The following BCL11B variants were observed in gnomAD, a reference collection of about 807,000 sequenced individuals.
The protein encoded by BCL11B is BCL11 transcription factor B, also known as B-cell lymphoma/leukemia 11B.
A neutral mutation model predicts 49.9 loss-of-function variants in BCL11B; 8 were observed. The observed-to-expected ratio is 0.16, with a 90% confidence interval of 0.09 to 0.29. BCL11B has a LOEUF of 0.29. Among genes scored for constraint, BCL11B ranks in the 10% least tolerant of loss-of-function variants. The pLI is 1.00. For synonymous variants in BCL11B, 739 were observed against 637.4 expected, an observed-to-expected ratio of 1.16 and a Z score of -2.40; for missense variants, 1,006 against 1,351.0, an observed-to-expected ratio of 0.74 and a Z score of 4.00.
At chr14:99,186,765 A>G (rs968326316) in intron 3 of BCL11B, among the ~76,000 whole-genome samples, 3 of 152,224 alleles carry the variant, frequency 2.0e-5, no homozygotes, top group African/African-American at 7.2e-5. Flanking sequence ...GCCCACACTC[A>G]AGGCCTACTC....
intron 2 of BCL11B, among the ~76,000 whole-genome samples, chr14:99,256,689 G>A (rs1889173169): frequency 6.6e-6 from 1 of 152,216 alleles, no homozygotes; most frequent in Admixed American, 6.5e-5. Context: ...CTAACTCACT[G>A]TGGTGAGCAG....
In BCL11B at chr14:99,248,467, C is replaced by T. The variant is rs1047302410; in HGVS notation, c.427+9004G>A. Reference sequence around the variant, plus strand: ...GGGTGGGTCCAGATCTTGCAGGGCCCGAGGTTTATACAATTCAGGGTACAC... The same window carrying T: ...GGGTGGGTCCAGATCTTGCAGGGCCTGAGGTTTATACAATTCAGGGTACAC... On this transcript the variant is annotated intron_variant, in intron 2 of 3. Transcript: ENST00000357195. This position sits in a 1 kb window ranked among gnomAD's most constrained non-coding sequence, Gnocchi z 4.7. 3.3e-5 allele frequency among the ~76,000 whole-genome samples: 5 copies of T among 151,822 alleles called. No individual in the cohort carries two copies. Among genetic ancestry groups the T allele is most frequent in the South Asian group, 2.1e-4 (1 of 4,804 alleles).
chr14:99,217,141 C>T lies in BCL11B; in HGVS notation c.640+14204G>A, dbSNP rs530911957. 3.3e-5 allele frequency among the ~76,000 whole-genome samples: 5 copies of T among 152,200 alleles called. No homozygotes were observed. In the East Asian group the frequency reaches 7.7e-4, roughly 24 times the overall value. ...ATACACATATGTGCACACACAAATA[C>T]GTATGTATATGCACACATATATACA... is the stretch of plus-strand genomic sequence containing the variant. On this transcript the variant is annotated intron_variant, in intron 3 of 3. Transcript: ENST00000357195.
chr14:99,172,629 A>G lies in BCL11B; in HGVS notation c.*1522T>C, dbSNP rs942647928. The G allele has an allele frequency of 1.4e-5, 3 of 213,796 alleles. No individual in the cohort carries two copies. Among genetic ancestry groups the G allele is most frequent in the Non-Finnish European group, 2.8e-5 (3 of 105,690 alleles). 13.2% of individuals were successfully genotyped at this position (213,796 alleles called of 1,614,324 possible). A position where few individuals can be genotyped will look rare whatever the true frequency, so the allele number is the denominator to read the frequency against. ...TTATTTTGTTCTTTATAGTGCCAGTATTGTGAATGCCACGCTTAGCAATAC... is the reference window on the plus strand; with the variant it reads ...TTATTTTGTTCTTTATAGTGCCAGTGTTGTGAATGCCACGCTTAGCAATAC... On this transcript the variant is annotated 3_prime_UTR_variant, in exon 4 of 4. Transcript: ENST00000357195.
rs1886449313 is a variant in BCL11B, at chr14:99,175,104, C to T, written c.1732G>A (p.Gly578Ser). The T allele has an allele frequency of 6.3e-7, 1 of 1,595,556 alleles. No homozygotes were observed. Among genetic ancestry groups the T allele is most frequent in the South Asian group, 1.1e-5 (1 of 90,674 alleles). ...NGGGGVPGVP[G>S]AGGGAAKALA... ...GCCTTGGCCGCGCCGCCCCCCGCGC[C>T]CGGGACCCCGGGCACCCCACCACCG... The change falls in exon 4 of 4, where the codon GGC (glycine) becomes AGC (serine). Residue 578 changes from glycine (G) to serine (S), a missense_variant. This residue lies in a region of BCL11B where 443 missense variants were observed against 499.7 expected (regional missense o/e 0.89). Coordinates refer to ENST00000357195, the MANE Select transcript of BCL11B (RefSeq NM_138576.4).
intron 3 of BCL11B, among the ~76,000 whole-genome samples, chr14:99,218,412 C>T (rs1239788130): frequency 1.3e-5 from 2 of 151,866 alleles, no homozygotes; most frequent in Non-Finnish European, 2.9e-5. Flanking sequence ...CCCGCCCTAT[C>T]GTTAATAGTT....
chr14:99,227,411 G>C (rs1197287249), intron 3 of BCL11B, among the ~76,000 whole-genome samples: 1 of 152,126 alleles, frequency 6.6e-6, no homozygotes, highest in Non-Finnish European at 1.5e-5. Flanking sequence ...ATGGAGAGGG[G>C]AAATGACTAC....
chr14:99,189,124 C>G (rs1159758296), intron 3 of BCL11B, among the ~76,000 whole-genome samples: 1 of 152,246 alleles, frequency 6.6e-6, no homozygotes, highest in Non-Finnish European at 1.5e-5. Context: ...ATTCTAATGT[C>G]AGATGTACTT....
intron 3 of BCL11B, among the ~76,000 whole-genome samples, chr14:99,207,408 C>CTGAG (rs1555379394): frequency 6.6e-6 from 1 of 152,152 alleles, no homozygotes; most frequent in Non-Finnish European, 1.5e-5. Flanking sequence ...GTCCCTCTAG[C>CTGAG]TGAGACCTTG....
At chr14:99,244,929 A>G (rs995462397) in intron 2 of BCL11B, among the ~76,000 whole-genome samples, 29 of 152,216 alleles carry the variant, frequency 1.9e-4, no homozygotes, top group African/African-American at 6.0e-4. Context: ...TAGCAAATCA[A>G]TTCTGCCTGG....
chr14:99,202,574 C>T (rs758748589), intron 3 of BCL11B, among the ~76,000 whole-genome samples: 33 of 152,258 alleles, frequency 2.2e-4, no homozygotes, highest in East Asian at 5.8e-4. Context: ...CGCAAGGCAA[C>T]GCAAGGAGTG....
rs530613145 is a variant in BCL11B, at chr14:99,171,917, G to C, written c.*2234C>G. The C allele has an allele frequency of 1.1e-3, 213 of 200,398 alleles. 1 individual carries two copies. The highest frequency in any genetic ancestry group is 4.8e-3 in the African/African-American group (207 of 43,284). The allele number at this position is 200,398 out of a possible 1,614,324, so 12.4% of individuals were successfully genotyped here. ...GCATTCTCGATTATTACAAATACTG[G>C]TCCACTTTTACAGTAATCAAGAAAT... On this transcript the variant is annotated 3_prime_UTR_variant, in exon 4 of 4. Coordinates refer to ENST00000357195, the MANE Select transcript of BCL11B (RefSeq NM_138576.4).
rs148159530 is a variant in BCL11B, at chr14:99,195,222, G to A, written c.641-19027C>T. On this transcript the variant is annotated intron_variant, in intron 3 of 3. Transcript: ENST00000357195. The surrounding 1 kb of genome is among the most constrained non-coding windows in gnomAD (Gnocchi z 4.7). Reference sequence around the variant, plus strand: ...TGTGGAGCGAACTACCTGGCTTCCTGACCTGTACTTTCAAGCCCCACTGTC... The same window carrying A: ...TGTGGAGCGAACTACCTGGCTTCCTAACCTGTACTTTCAAGCCCCACTGTC... 1.3e-5 allele frequency among the ~76,000 whole-genome samples: 2 copies of A among 152,246 alleles called. No individual in the cohort carries two copies. The highest frequency in any genetic ancestry group is 4.8e-5 in the African/African-American group (2 of 41,532).
chr14:99,246,293 A>C (rs993401129), intron 2 of BCL11B, among the ~76,000 whole-genome samples: 32 of 152,136 alleles, frequency 2.1e-4, no homozygotes, highest in Admixed American at 2.0e-3. Context: ...TGCTCCATTA[A>C]GCCCCCGAAT....
In BCL11B at chr14:99,232,043, C is replaced by T. The variant is rs377583608; in HGVS notation, c.428-486G>A. ...CTACAGGCCCGGGACACCTTGGGTCCGCCTCCAGCCTTGGGTCCGCCTCCA... is the reference window on the plus strand; with the variant it reads ...CTACAGGCCCGGGACACCTTGGGTCTGCCTCCAGCCTTGGGTCCGCCTCCA... On this transcript the variant is annotated intron_variant, in intron 2 of 3. Transcript: ENST00000357195. This position sits in a 1 kb window ranked among gnomAD's most constrained non-coding sequence, Gnocchi z 5.1. 2.0e-5 allele frequency among the ~76,000 whole-genome samples: 3 copies of T among 152,094 alleles called. No individual in the cohort carries two copies. Among genetic ancestry groups the T allele is most frequent in the African/African-American group, 7.2e-5 (3 of 41,416 alleles).
rs769849587 is a variant in BCL11B, at chr14:99,173,109, G to A, written c.*1042C>T. 1 of 230,366 alleles carries A rather than the reference G, an allele frequency of 4.3e-6. No homozygotes were observed. 14.3% of individuals were successfully genotyped at this position (230,366 alleles called of 1,614,324 possible). A position where few individuals can be genotyped will look rare whatever the true frequency, so the allele number is the denominator to read the frequency against. On this transcript the variant is annotated 3_prime_UTR_variant, in exon 4 of 4. Coordinates refer to ENST00000357195, the MANE Select transcript of BCL11B (RefSeq NM_138576.4). ...GGTGATTTAAAAAAAGAGAGAAGCCGTCAAGCCAGAAAACGCCTAAAAGAA... is the reference window on the plus strand; with the variant it reads ...GGTGATTTAAAAAAAGAGAGAAGCCATCAAGCCAGAAAACGCCTAAAAGAA...
intron 3 of BCL11B, among the ~76,000 whole-genome samples, chr14:99,201,269 G>C (rs570305008): frequency 1.8e-4 from 28 of 152,328 alleles, no homozygotes; most frequent in Non-Finnish European, 3.1e-4. Flanking sequence ...CAGCTGAAGA[G>C]TGGTCGGTAG....
chr14:99,231,454 G>C lies in BCL11B; in HGVS notation c.531C>G (p.Leu177=), dbSNP rs1316962605. 6.3e-7 allele frequency: 1 copy of C among 1,598,848 alleles called. No homozygotes were observed. The highest frequency in any genetic ancestry group is 8.5e-7 in the Non-Finnish European group (1 of 1,172,586). Residue 177 remains leucine (L), a synonymous_variant, in exon 3 of 4, where the codon CTC becomes CTG. Transcript: ENST00000357195. This position sits in a 1 kb window ranked among gnomAD's most constrained non-coding sequence, Gnocchi z 8.1. ...ITSPLRALGA[L]PPCLPLPCCS... ...AGCACGGCAGGGGGAGGCAGGGCGG[G>C]AGAGCGCCCAGGGCACGCAGAGGTG...
chr14:99,187,872 C>T (rs1886902298), intron 3 of BCL11B, among the ~76,000 whole-genome samples: 1 of 152,074 alleles, frequency 6.6e-6, no homozygotes, highest in South Asian at 2.1e-4. Context: ...TTCTTTAAAT[C>T]CACAAAAAAT....
Sources: gnomAD v4.1 joint callset for allele counts (sites outside exome capture counted in the v4.1 genomes callset) on GRCh38, gnomAD v4.1.1 for gene constraint, gnomAD v4.1.1 regional missense constraint, Gnocchi (gnomAD v3.1) non-coding constraint, MANE v1.5 for transcripts, NCBI Gene and HGNC (gene_info 2026-07-23, HGNC 2026-07-21) for gene names.